The following CTNNA2 variants were observed in gnomAD, a reference collection of about 807,000 sequenced individuals.
The protein encoded by CTNNA2 is catenin alpha-2.
In CTNNA2, 42 loss-of-function variants were observed where a neutral mutation model predicts 101.0. The observed-to-expected ratio is 0.42, with a 90% confidence interval of 0.32 to 0.54. CTNNA2 has a LOEUF of 0.54. Among genes scored for constraint, CTNNA2 ranks in the 20% least tolerant of loss-of-function variants. CTNNA2 has a pLI of 0.14. For missense variants in CTNNA2, 871 were observed against 1,223.1 expected (o/e 0.71, Z 4.29); for synonymous variants, 450 against 456.4 (o/e 0.99, Z 0.18).
intron 3 of CTNNA2, among the ~76,000 whole-genome samples, chr2:79,765,496 A>G (rs1194852480): frequency 3.9e-5 from 6 of 152,168 alleles, no homozygotes; most frequent in African/African-American, 7.2e-5. Flanking sequence ...TATAAATTCT[A>G]TATGCACATT....
At chr2:80,643,580 T>C (rs990065704) in intron 18 of CTNNA2, among the ~76,000 whole-genome samples, 1 of 152,168 alleles carries the variant, frequency 6.6e-6, no homozygotes, top group Non-Finnish European at 1.5e-5. Context: ...TGGATATGTC[T>C]TTCTGCTGAA....
intron 4 of CTNNA2, among the ~76,000 whole-genome samples, chr2:79,437,750 C>G (rs919985909): frequency 2.0e-5 from 3 of 152,142 alleles, no homozygotes; most frequent in Middle Eastern, 3.2e-3. Context: ...AAAAGGGAAG[C>G]GTTTCACTTT....
At chr2:79,515,330 C>T (rs1379767712) in intron 1 of CTNNA2, among the ~76,000 whole-genome samples, 1 of 152,198 alleles carries the variant, frequency 6.6e-6, no homozygotes, top group Non-Finnish European at 1.5e-5. Context: ...GTTAATTATA[C>T]ATGAGCATAA....
chr2:80,455,537 G>A (rs977005066), intron 9 of CTNNA2, among the ~76,000 whole-genome samples: 8 of 152,174 alleles, frequency 5.3e-5, no homozygotes, highest in African/African-American at 1.9e-4. Flanking sequence ...TTGCGAGTTA[G>A]TGGAAATTTG....
chr2:79,604,106 A>C (rs1677728380), intron 1 of CTNNA2, among the ~76,000 whole-genome samples: 1 of 152,236 alleles, frequency 6.6e-6, no homozygotes, highest in Admixed American at 6.5e-5. Context: ...TATTGATTGC[A>C]GTGCAATTTG....
At chr2:80,501,395 C>T (rs183215035) in intron 9 of CTNNA2, among the ~76,000 whole-genome samples, 6 of 152,268 alleles carry the variant, frequency 3.9e-5, no homozygotes, top group Non-Finnish European at 5.9e-5. Context: ...ACTAACAAAT[C>T]CCTTAGACAT....
intron 3 of CTNNA2, among the ~76,000 whole-genome samples, chr2:79,356,254 T>G (rs1006540374): frequency 6.6e-6 from 1 of 152,052 alleles, no homozygotes; most frequent in African/African-American, 2.4e-5. Context: ...TTTATTTTCT[T>G]TGGAGAAATG....
intron 2 of CTNNA2, among the ~76,000 whole-genome samples, chr2:79,273,394 C>T (rs909557038): frequency 2.0e-5 from 3 of 152,056 alleles, no homozygotes. Flanking sequence ...GATAACTTTG[C>T]CACAAAATAT....
intron 2 of CTNNA2, among the ~76,000 whole-genome samples, chr2:79,217,189 G>C (rs1674275121): frequency 6.6e-6 from 1 of 152,306 alleles, no homozygotes; most frequent in South Asian, 2.1e-4. Context: ...GATGTTCCTT[G>C]GGCTGGTGGG....
chr2:80,579,068 G>A (rs1012732067), intron 13 of CTNNA2: 2 of 152,142 alleles, frequency 1.3e-5, no homozygotes, highest in African/African-American at 4.8e-5. Context: ...TTATGAGCAG[G>A]GAGACACAGA....
intron 7 of CTNNA2, among the ~76,000 whole-genome samples, chr2:80,118,340 G>A (rs1558825618): frequency 6.6e-6 from 1 of 152,328 alleles, no homozygotes; most frequent in East Asian, 1.9e-4. Flanking sequence ...AGGAAGTCCA[G>A]GCTTTCCATT....
intron 2 of CTNNA2, among the ~76,000 whole-genome samples, chr2:79,287,836 C>T (rs920632376): frequency 6.6e-6 from 1 of 152,212 alleles, no homozygotes; most frequent in African/African-American, 2.4e-5. Context: ...GGCGGGCGCC[C>T]CTCCCCCAGC....
At chr2:79,940,473 C>A (rs1688080556) in intron 7 of CTNNA2, among the ~76,000 whole-genome samples, 1 of 152,186 alleles carries the variant, frequency 6.6e-6, no homozygotes, top group African/African-American at 2.4e-5. Context: ...AAATCTTTCA[C>A]CCCATCCTCA....
rs112571951 is a variant in CTNNA2, at chr2:80,368,867, G to GTGTGTGTA, written c.1057-24343_1057-24342insGTGTGTAT. 1.9e-3 allele frequency among the ~76,000 whole-genome samples: 279 copies of GTGTGTGTA among 144,756 alleles called. 1 individual carries two copies. The highest frequency in any genetic ancestry group is 6.3e-3 in the African/African-American group (243 of 38,742). 95.0% of individuals were successfully genotyped at this position (144,756 alleles called of 152,430 possible). ...TATATATGTGTGTGTGTGTGTGTGT[G>GTGTGTGTA]TATATATATATATATATTTGGCACG... On this transcript the variant is annotated intron_variant, in intron 7 of 18. Transcript: ENST00000402739.
At chr2:79,809,008 C>T (rs924852841) in intron 3 of CTNNA2, among the ~76,000 whole-genome samples, 7 of 152,104 alleles carry the variant, frequency 4.6e-5, no homozygotes, top group African/African-American at 1.7e-4. Flanking sequence ...TCTCATTGCT[C>T]AACTCCCACT....
chr2:79,223,757 C>T (rs1330372856), intron 2 of CTNNA2, among the ~76,000 whole-genome samples: 1 of 152,166 alleles, frequency 6.6e-6, no homozygotes, highest in Non-Finnish European at 1.5e-5. Context: ...GCTTCTCAAC[C>T]AAAATCCCTA....
chr2:79,389,404 A>G lies in CTNNA2; in HGVS notation c.-135+15391A>G, dbSNP rs572638221. 1.6e-4 allele frequency among the ~76,000 whole-genome samples: 24 copies of G among 152,340 alleles called. No individual in the cohort carries two copies. In the Middle Eastern group the frequency reaches 0.014, roughly 86 times the overall value. ...TAGAAATATGTAAATTAACTACTGC[A>G]CTTCACAGATAAAAAGCATGGGGGA... On this transcript the variant is annotated intron_variant, in intron 4 of 21. Transcript: ENST00000466387.
chr2:80,470,182 T>G (rs1572968854), intron 9 of CTNNA2, among the ~76,000 whole-genome samples: 1 of 152,324 alleles, frequency 6.6e-6, no homozygotes, highest in East Asian at 1.9e-4. Context: ...TTCTGGGACC[T>G]TCTTAGATCT....
intron 7 of CTNNA2, among the ~76,000 whole-genome samples, chr2:79,988,152 G>A (rs1691898164): frequency 6.6e-6 from 1 of 152,184 alleles, no homozygotes; most frequent in South Asian, 2.1e-4. Flanking sequence ...GAGGTTAAGT[G>A]TACAGAATAT....
Sources: gnomAD v4.1 joint callset for allele counts (sites outside exome capture counted in the v4.1 genomes callset) on GRCh38, gnomAD v4.1.1 for gene constraint, MANE v1.5 for transcripts, NCBI Gene and HGNC (gene_info 2026-07-23, HGNC 2026-07-21) for gene names.